The following DTD1 variants were observed in gnomAD, a reference collection of about 807,000 sequenced individuals.
The protein encoded by DTD1 is D-tyrosyl-tRNA deacylase 1 homolog.
Under a neutral mutation model 25.6 loss-of-function variants are expected in DTD1, and 13 were observed. The observed-to-expected ratio is 0.51, with a 90% confidence interval of 0.33 to 0.81. The LOEUF is 0.81. DTD1 is among the 30% of genes least tolerant of loss of function. The pLI is 0.02. For missense variants in DTD1, 193 were observed against 266.4 expected (o/e 0.72, Z 1.92); for synonymous variants, 110 against 103.6 (o/e 1.06, Z -0.37).
At chr20:18,708,217 T>A (rs1600382786) in intron 4 of DTD1, among the ~76,000 whole-genome samples, 1 of 8,844 alleles carries the variant, frequency 1.1e-4, no homozygotes, top group East Asian at 1.9e-3. Flanking sequence ...TTTATATATA[T>A]AATATATATA....
chr20:18,717,744 G>A (rs555157323), intron 4 of DTD1, among the ~76,000 whole-genome samples: 1 of 152,258 alleles, frequency 6.6e-6, no homozygotes, highest in East Asian at 1.9e-4. Context: ...AAGAGTTCTT[G>A]TTACTTTAAT....
intron 3 of DTD1, among the ~76,000 whole-genome samples, chr20:18,617,870 G>A (rs2060715379): frequency 6.6e-6 from 1 of 152,150 alleles, no homozygotes; most frequent in Non-Finnish European, 1.5e-5. Context: ...AGTTCATAGA[G>A]ACTTCTTTCT....
At chr20:18,615,193 A>G (rs766401535) in intron 3 of DTD1, among the ~76,000 whole-genome samples, 1 of 152,254 alleles carries the variant, frequency 6.6e-6, no homozygotes, top group Non-Finnish European at 1.5e-5. Flanking sequence ...GGGAGGAGAT[A>G]CAGTCCCACG....
intron 5 of DTD1, among the ~76,000 whole-genome samples, chr20:18,748,800 C>T (rs2061310506): frequency 6.6e-6 from 1 of 152,164 alleles, no homozygotes; most frequent in African/African-American, 2.4e-5. Context: ...ATTTCCTTCT[C>T]ACGGTAGTGC....
At chr20:18,744,581 C>T (rs1052075151) in intron 5 of DTD1, among the ~76,000 whole-genome samples, 1 of 133,388 alleles carries the variant, frequency 7.5e-6, no homozygotes, top group Non-Finnish European at 1.5e-5. Context: ...TGGCGGCAGG[C>T]AAGAGAGTAT....
intron 4 of DTD1, among the ~76,000 whole-genome samples, chr20:18,684,291 CT>C (rs564740251): frequency 4.0e-5 from 6 of 149,806 alleles, no homozygotes; most frequent in East Asian, 2.0e-4. Context: ...CACCAAATGA[CT>C]TTTTTTTTTC....
At chr20:18,650,238 A>G (rs2060868976) in intron 4 of DTD1, among the ~76,000 whole-genome samples, 1 of 152,182 alleles carries the variant, frequency 6.6e-6, no homozygotes, top group African/African-American at 2.4e-5. Context: ...CAAAACAAAA[A>G]CGAACACAAA....
intron 5 of DTD1, among the ~76,000 whole-genome samples, chr20:18,748,092 T>C (rs1351796629): frequency 1.3e-5 from 2 of 151,986 alleles, no homozygotes; most frequent in African/African-American, 4.8e-5. Context: ...ATGAACTTAA[T>C]GAACGGGAGA....
At chr20:18,742,907 A>G (rs2061284173) in intron 4 of DTD1, among the ~76,000 whole-genome samples, 2 of 152,178 alleles carry the variant, frequency 1.3e-5, no homozygotes, top group Non-Finnish European at 2.9e-5. Context: ...GCCCTTCAAT[A>G]AGTTTCCTTC....
rs1322320140 is a variant in DTD1, at chr20:18,644,754, T to G, written c.477+16521T>G. ...GTCTATTTCAGTACCCAGGATAGATTTGAGATAAATCAGTTCCATACTGAG... is the reference window on the plus strand; with the variant it reads ...GTCTATTTCAGTACCCAGGATAGATGTGAGATAAATCAGTTCCATACTGAG... On this transcript the variant is annotated intron_variant, in intron 4 of 5. Transcript: ENST00000377452. Among the ~76,000 whole-genome samples the G allele has an allele frequency of 2.0e-5, 3 of 152,078 alleles. No homozygotes were observed. In the East Asian group the frequency reaches 5.8e-4, roughly 29 times the overall value.
intron 3 of DTD1, among the ~76,000 whole-genome samples, chr20:18,603,572 ATC>A (rs2060644969): frequency 2.0e-5 from 2 of 97,578 alleles, no homozygotes; most frequent in Admixed American, 1.1e-4. Context: ...ATAACAAACT[ATC>A]TCTCAGACCA....
At chr20:18,741,233 CA>C (rs1344979410) in intron 4 of DTD1, among the ~76,000 whole-genome samples, 1 of 152,240 alleles carries the variant, frequency 6.6e-6, no homozygotes, top group African/African-American at 2.4e-5. Context: ...CACTGTCACC[CA>C]GACTGGAGTG....
chr20:18,614,044 G>T (rs2060699224), intron 3 of DTD1, among the ~76,000 whole-genome samples: 1 of 152,192 alleles, frequency 6.6e-6, no homozygotes, highest in African/African-American at 2.4e-5. Flanking sequence ...GGGCTCAAGT[G>T]GTCTGCCCGC....
At chr20:18,688,626 C>A (rs2061027492) in intron 4 of DTD1, among the ~76,000 whole-genome samples, 1 of 152,128 alleles carries the variant, frequency 6.6e-6, no homozygotes, top group Admixed American at 6.6e-5. Context: ...TTTTGGATAT[C>A]TGGAAGGTCC....
At chr20:18,655,561 T>G (rs575000945) in intron 4 of DTD1, among the ~76,000 whole-genome samples, 19 of 152,306 alleles carry the variant, frequency 1.2e-4, no homozygotes, top group African/African-American at 4.3e-4. Flanking sequence ...TCAGCAATTA[T>G]CAGCCATCAC....
At chr20:18,684,552 G>T (rs1281585637) in intron 4 of DTD1, among the ~76,000 whole-genome samples, 1 of 152,110 alleles carries the variant, frequency 6.6e-6, no homozygotes, top group East Asian at 1.9e-4. Context: ...CTCCCAAAGT[G>T]CTGGGATTAC....
At chr20:18,641,551 A>G (rs2060828409) in intron 4 of DTD1, among the ~76,000 whole-genome samples, 1 of 152,004 alleles carries the variant, frequency 6.6e-6, no homozygotes, top group South Asian at 2.1e-4. Context: ...GTTTTCTGAT[A>G]CTGGTCATCC....
chr20:18,632,159 C>T (rs957614972), intron 4 of DTD1: 5 of 984,984 alleles, frequency 5.1e-6, no homozygotes, highest in Middle Eastern at 5.2e-4. Context: ...ACAATAAATC[C>T]CTCTCCCCAA....
intron 4 of DTD1, among the ~76,000 whole-genome samples, chr20:18,656,322 A>G (rs1225796002): frequency 2.0e-5 from 3 of 152,224 alleles, no homozygotes; most frequent in Non-Finnish European, 4.4e-5. Context: ...ATCTTAAGAA[A>G]TGCTAGTTGT....
Sources: allele counts gnomAD v4.1 joint callset (sites outside exome capture counted in the v4.1 genomes callset), GRCh38; gene constraint gnomAD v4.1.1; transcripts MANE v1.5; gene names NCBI Gene and HGNC (gene_info 2026-07-23, HGNC 2026-07-21).